Variants in SHANK2 observed in about 807,000 individuals in gnomAD.
The protein encoded by SHANK2 is SH3 and multiple ankyrin repeat domains protein 2.
A neutral mutation model predicts 133.7 loss-of-function variants in SHANK2; 43 were observed. That is an observed-to-expected ratio of 0.32 (90% CI 0.25 to 0.41). The LOEUF (loss-of-function observed/expected upper bound fraction) is 0.41, where lower values mean the gene tolerates loss of function less well. Among genes scored for constraint, SHANK2 ranks in the 10% least tolerant of loss-of-function variants. SHANK2 has a pLI of 1.00. For synonymous variants in SHANK2, 1,017 were observed against 952.8 expected, an observed-to-expected ratio of 1.07 and a Z score of -1.24; for missense variants, 1,994 against 2,235.8, an observed-to-expected ratio of 0.89 and a Z score of 2.18.
At chr11:70,554,750 G>A (rs771318423) in intron 17 of SHANK2, among the ~76,000 whole-genome samples, 16 of 151,368 alleles carry the variant, frequency 1.1e-4, no homozygotes, top group Non-Finnish European at 2.2e-4. Context: ...ACAGAAGAGC[G>A]CCACTGCCCA....
At chr11:70,724,070 CTG>C (rs1436329145) in intron 14 of SHANK2, among the ~76,000 whole-genome samples, 2 of 149,150 alleles carry the variant, frequency 1.3e-5, no homozygotes, top group Non-Finnish European at 3.0e-5. Context: ...GAGTCTCACT[CTG>C]TTGCCCAGGC....
intron 14 of SHANK2, among the ~76,000 whole-genome samples, chr11:70,737,572 C>A (rs1946430805): frequency 6.6e-6 from 1 of 152,242 alleles, no homozygotes; most frequent in South Asian, 2.1e-4. Context: ...TCCAAACCCA[C>A]ATGATACACC....
At chr11:70,596,019 A>G (rs901383402) in intron 17 of SHANK2, among the ~76,000 whole-genome samples, 1 of 152,220 alleles carries the variant, frequency 6.6e-6, no homozygotes, top group Non-Finnish European at 1.5e-5. Flanking sequence ...CCAAGGCATC[A>G]GGGGCACCTC....
intron 4 of SHANK2, among the ~76,000 whole-genome samples, chr11:71,116,071 A>T (rs1303213627): frequency 6.6e-6 from 1 of 152,202 alleles, no homozygotes. Flanking sequence ...AATCTGACAC[A>T]TGGTCCACAC....
intron 10 of SHANK2, among the ~76,000 whole-genome samples, chr11:70,911,855 G>A (rs1320802052): frequency 1.3e-5 from 2 of 152,074 alleles, no homozygotes; most frequent in Non-Finnish European, 2.9e-5. Context: ...GCAGAGGTGG[G>A]AGGATCACCT....
chr11:70,520,214 T>C (rs1266007177), intron 17 of SHANK2, among the ~76,000 whole-genome samples: 1 of 152,228 alleles, frequency 6.6e-6, no homozygotes, highest in Non-Finnish European at 1.5e-5. Context: ...CCAGTATTGA[T>C]ATATTTCATT....
chr11:70,791,776 G>C (rs1213468176), intron 14 of SHANK2, among the ~76,000 whole-genome samples: 1 of 152,170 alleles, frequency 6.6e-6, no homozygotes, highest in Non-Finnish European at 1.5e-5. Flanking sequence ...AGCATCAGTA[G>C]TTACAAATAA....
chr11:71,131,778 T>C (rs1267140550), intron 3 of SHANK2, among the ~76,000 whole-genome samples: 1 of 152,168 alleles, frequency 6.6e-6, no homozygotes, highest in African/African-American at 2.4e-5. Context: ...AATTAAAAAG[T>C]CCTGACTGCA....
At chr11:70,501,129 G>A (rs782690620) in intron 20 of SHANK2, among the ~76,000 whole-genome samples, 4 of 152,214 alleles carry the variant, frequency 2.6e-5, no homozygotes, top group Admixed American at 6.5e-5. Context: ...GCTGGGGCAC[G>A]CGGGGCACTA....
chr11:70,687,190 T>C (rs750842289), intron 15 of SHANK2, among the ~76,000 whole-genome samples: 19 of 152,232 alleles, frequency 1.2e-4, no homozygotes, highest in Non-Finnish European at 2.4e-4. Context: ...AATGTAGCCA[T>C]CTTACAAATG....
chr11:70,503,112 G>T (rs1019200752), intron 17 of SHANK2, among the ~76,000 whole-genome samples, 181 bp from the exon 18 acceptor site: 2 of 152,230 alleles, frequency 1.3e-5, no homozygotes, highest in Non-Finnish European at 2.9e-5. Flanking sequence ...AATGAATGCT[G>T]CTGTGACTGT....
At chr11:71,089,754 G>C (rs1486658091) in intron 8 of SHANK2, among the ~76,000 whole-genome samples, 1 of 152,188 alleles carries the variant, frequency 6.6e-6, no homozygotes, top group Non-Finnish European at 1.5e-5. Context: ...CACAAATGAG[G>C]AGGGGGCCAG....
chr11:70,589,241 G>A (rs1180589141), intron 17 of SHANK2, among the ~76,000 whole-genome samples: 1 of 152,216 alleles, frequency 6.6e-6, no homozygotes, highest in African/African-American at 2.4e-5. Context: ...AGTACAGCTG[G>A]TGACTTTAAG....
At chr11:71,137,026 C>T (rs1239436211) in intron 3 of SHANK2, among the ~76,000 whole-genome samples, 1 of 152,076 alleles carries the variant, frequency 6.6e-6, no homozygotes, top group Non-Finnish European at 1.5e-5. Context: ...CCATGCCCAG[C>T]TAATTTTTGT....
chr11:70,547,550 C>T (rs1307913523), intron 17 of SHANK2, among the ~76,000 whole-genome samples: 7 of 152,128 alleles, frequency 4.6e-5, no homozygotes, highest in Admixed American at 6.5e-5. Flanking sequence ...CATGAGCCAC[C>T]GCACCTGTCC....
intron 23 of SHANK2, chr11:70,489,847 C>G (rs2135748980): frequency 3.5e-6 from 1 of 285,660 alleles, no homozygotes; most frequent in South Asian, 4.2e-5. Context: ...GACCCAACCA[C>G]CCTTGGAAGT....
intron 14 of SHANK2, among the ~76,000 whole-genome samples, chr11:70,736,218 C>A (rs1222031159): frequency 4.6e-5 from 7 of 152,154 alleles, no homozygotes; most frequent in Admixed American, 3.3e-4. Context: ...GCCAACCGCT[C>A]GTTTCAGAGC....
intron 8 of SHANK2, among the ~76,000 whole-genome samples, chr11:71,080,277 G>A (rs1951280540): frequency 6.6e-6 from 1 of 152,134 alleles, no homozygotes; most frequent in Non-Finnish European, 1.5e-5. Flanking sequence ...GCCTGGGCAG[G>A]GGCACCTGGA....
intron 15 of SHANK2, among the ~76,000 whole-genome samples, chr11:70,695,168 G>T (rs1161207962): frequency 6.6e-6 from 1 of 152,148 alleles, no homozygotes; most frequent in African/African-American, 2.4e-5. Flanking sequence ...AGGTGGAGCG[G>T]GGAGTTTGCG....
Sources: gnomAD v4.1 joint callset for allele counts (sites outside exome capture counted in the v4.1 genomes callset) on GRCh38, gnomAD v4.1.1 for gene constraint, MANE v1.5 for transcripts, NCBI Gene and HGNC (gene_info 2026-07-23, HGNC 2026-07-21) for gene names.